The following SCG3 variants were observed in gnomAD, a reference collection of about 807,000 sequenced individuals.
The protein encoded by SCG3 is secretogranin III, also known as secretogranin-3.
In SCG3, 38 loss-of-function variants were observed where a neutral mutation model predicts 56.2. The observed-to-expected ratio is 0.68, with a 90% CI of 0.52 to 0.89. The LOEUF (loss-of-function observed/expected upper bound fraction) is 0.89. Ranked by LOEUF, SCG3 falls within the 40% of genes least tolerant of loss-of-function variation. The pLI is 0.00. For synonymous variants in SCG3, 176 were observed against 184.2 expected, an observed-to-expected ratio of 0.96 and a Z score of 0.36; for missense variants, 524 against 540.7, an observed-to-expected ratio of 0.97 and a Z score of 0.31.
intron 11 of SCG3, among the ~76,000 whole-genome samples, chr15:51,714,354 G>T (rs967209173): frequency 1.3e-5 from 2 of 152,146 alleles, no homozygotes; most frequent in African/African-American, 4.8e-5. Flanking sequence ...GACCCCAGAA[G>T]GCAGCAGAGA....
In SCG3 at chr15:51,699,350, CA is replaced by C; in HGVS notation, c.1022del (p.Asn341ThrfsTer3). ...TGGATGAAATGATTGCTCTTCAGACCAAAAACAAGCTAGAAAAAAATGCTAC... is the reference window on the plus strand; with the variant it reads ...TGGATGAAATGATTGCTCTTCAGACCAAAACAAGCTAGAAAAAAATGCTAC... ...NLDEMIALQT[K>X]NKLEKNATDN... On this transcript the variant is annotated frameshift_variant, in exon 9 of 12. Transcript: ENST00000220478. LOFTEE classifies it high-confidence loss of function. 4 of 1,607,040 alleles carry C rather than the reference CA, an allele frequency of 2.5e-6. No homozygotes were observed. Among genetic ancestry groups the C allele is most frequent in the Admixed American group, 1.7e-5 (1 of 58,516 alleles).
intron 10 of SCG3, among the ~76,000 whole-genome samples, chr15:51,704,245 A>AT (rs1491469549): frequency 1.3e-4 from 2 of 15,530 alleles, no homozygotes; most frequent in Non-Finnish European, 2.4e-4. Flanking sequence ...ACATACATAC[A>AT]TATATATATA....
rs2055299956 is a variant in SCG3, at chr15:51,695,853, GTTA to G, written c.869-19_869-17del. ...AGGAAGCTATCCCCCACAGTTTTAA[GTTA>G]TTTTGTTCTTTCATATAGAAAAAGA... On this transcript the variant is annotated intron_variant, in intron 7 of 11. Coordinates refer to ENST00000220478, the MANE Select transcript of SCG3 (RefSeq NM_013243.4). 4 of 1,302,786 alleles carry G rather than the reference GTTA, an allele frequency of 3.1e-6. No homozygotes were observed. The African/African-American group carries it at 5.9e-5, about 19-fold the overall frequency. The allele number at this position is 1,302,786 out of a possible 1,614,324, so 80.7% of individuals were successfully genotyped here.
At chr15:51,718,199 T>TAGACAGACAGACAGAC (rs3078130) in intron 11 of SCG3, among the ~76,000 whole-genome samples, 15 of 148,886 alleles carry the variant, frequency 1.0e-4, no homozygotes, top group African/African-American at 3.7e-4. Flanking sequence ...GATAGATAGA[T>TAGACAGACAGACAGAC]AGACAGACAG....
chr15:51,682,671 C>A, intron 2 of SCG3, 102 bp downstream of exon 2: 1 of 723,224 alleles, frequency 1.4e-6, no homozygotes, highest in Non-Finnish European at 2.2e-6. Flanking sequence ...AATTTACAAA[C>A]ATCAGGAACT....
chr15:51,681,717 G>A lies in SCG3; in HGVS notation c.-39G>A, dbSNP rs761318559. The A allele has an allele frequency of 1.3e-6, 2 of 1,521,958 alleles. No individual in the cohort carries two copies. Among genetic ancestry groups the A allele is most frequent in the South Asian group, 1.1e-5 (1 of 88,902 alleles). 94.3% of individuals were successfully genotyped at this position (1,521,958 alleles called of 1,614,324 possible). The stretch of plus-strand genomic sequence containing the variant: ...CATAACAAAAGCTACAGCTCCAGGA[G>A]CCCAGCGCCGGGCTGTGACCCAAGC... On this transcript the variant is annotated 5_prime_UTR_variant, in exon 1 of 12. Transcript: ENST00000220478.
At chr15:51,685,003 T>C (rs2055219219) in intron 4 of SCG3, among the ~76,000 whole-genome samples, 2 of 152,218 alleles carry the variant, frequency 1.3e-5, no homozygotes, top group African/African-American at 2.4e-5. Flanking sequence ...CCTGTCCTTA[T>C]TCTGTTCCAT....
In SCG3 at chr15:51,683,110, A is replaced by G; in HGVS notation, c.167A>G (p.Lys56Arg). The G allele has an allele frequency of 6.2e-7, 1 of 1,610,016 alleles. No homozygotes were observed. The highest frequency in any genetic ancestry group is 8.5e-7 in the Non-Finnish European group (1 of 1,178,368). Residue 56 changes from lysine to arginine, a missense_variant, in exon 3 of 12, where the codon AAA becomes AGA. By Grantham distance (26) the Lys-to-Arg change is conservative. Transcript: ENST00000220478. ...GAAGCAGAAGAAGACAAGATTAAAAAAACATATCCTCCAGGTAAAAAGAAA... is the reference window on the plus strand; with the variant it reads ...GAAGCAGAAGAAGACAAGATTAAAAGAACATATCCTCCAGGTAAAAAGAAA... ...IAEAEEDKIK[K>R]TYPPENKPGQ...
intron 6 of SCG3, 31 bp from the exon 7 acceptor site, chr15:51,692,128 T>C (rs529476706): frequency 1.3e-6 from 2 of 1,569,474 alleles, no homozygotes; most frequent in Non-Finnish European, 1.7e-6. Context: ...TAACAAAATG[T>C]TCATTTTTTA....
chr15:51,715,920 C>T (rs929049106), intron 11 of SCG3, among the ~76,000 whole-genome samples: 2 of 151,816 alleles, frequency 1.3e-5, no homozygotes, highest in East Asian at 1.9e-4. Context: ...TGCAGTGGCA[C>T]GGTCTCCGCT....
In SCG3 at chr15:51,681,706, C is replaced by T; in HGVS notation, c.-50C>T. 8.5e-7 allele frequency: 1 copy of T among 1,180,186 alleles called. No homozygotes were observed. The highest frequency in any genetic ancestry group is 1.2e-6 in the Non-Finnish European group (1 of 844,314). The allele number at this position is 1,180,186 out of a possible 1,614,324, so 73.1% of individuals were successfully genotyped here. On this transcript the variant is annotated 5_prime_UTR_variant, in exon 1 of 12. Transcript: ENST00000220478. ...TCCTTTTCATTCATAACAAAAGCTA[C>T]AGCTCCAGGAGCCCAGCGCCGGGCT...
intron 9 of SCG3, 114 bp downstream of exon 9, chr15:51,699,516 A>G (rs2055326375): frequency 1.3e-6 from 1 of 777,034 alleles, no homozygotes; most frequent in Non-Finnish European, 2.1e-6. Context: ...AAGTGTTAAA[A>G]TCTGAAACGC....
Position 51,683,113 on chromosome 15 carries a change from CAT to C in SCG3, c.173_174del (p.Tyr58SerfsTer15). Reference sequence around the variant, plus strand: ...GCAGAAGAAGACAAGATTAAAAAAACATATCCTCCAGGTAAAAAGAAATCATA... The same window carrying C: ...GCAGAAGAAGACAAGATTAAAAAAACATCCTCCAGGTAAAAAGAAATCATA... On this transcript the variant is annotated frameshift_variant, in exon 3 of 12. Transcript: ENST00000220478. LOFTEE classifies it high-confidence loss of function. The C allele has an allele frequency of 6.2e-7, 1 of 1,609,344 alleles. No homozygotes were observed. The highest frequency in any genetic ancestry group is 8.5e-7 in the Non-Finnish European group (1 of 1,177,924).
At chr15:51,701,388 T>G in intron 10 of SCG3, 144 bp downstream of exon 10, 1 of 779,684 alleles carries the variant, frequency 1.3e-6, no homozygotes, top group South Asian at 2.4e-5. Context: ...GCATGTGGTA[T>G]CTTTATTTGA....
chr15:51,706,029 GA>G (rs753818758), intron 10 of SCG3, among the ~76,000 whole-genome samples: 1 of 150,888 alleles, frequency 6.6e-6, no homozygotes, highest in Non-Finnish European at 1.5e-5. Flanking sequence ...CAATTTCTAG[GA>G]AAAAAAAATG....
intron 4 of SCG3, among the ~76,000 whole-genome samples, chr15:51,683,911 T>C (rs192291796): frequency 2.0e-5 from 3 of 152,302 alleles, no homozygotes; most frequent in African/African-American, 7.2e-5. Flanking sequence ...TAACATCCCA[T>C]ATCACTAGGC....
At chr15:51,703,919 TA>T (rs1252404655) in intron 10 of SCG3, among the ~76,000 whole-genome samples, 4 of 152,166 alleles carry the variant, frequency 2.6e-5, no homozygotes, top group African/African-American at 9.7e-5. Flanking sequence ...TCCTACATTT[TA>T]CATTTCCTAC....
intron 10 of SCG3, among the ~76,000 whole-genome samples, chr15:51,709,710 T>TA (rs1217401612): frequency 2.8e-4 from 9 of 32,266 alleles, no homozygotes; most frequent in Non-Finnish European, 4.8e-4. Context: ...TATTTTTTTT[T>TA]TTTTTTTTTT....
rs372040435 is a variant in SCG3 at position 51,711,670 on chromosome 15, A to G, written c.1208-1663A>G. 1.4e-4 allele frequency among the ~76,000 whole-genome samples: 22 copies of G among 152,356 alleles called. No individual in the cohort carries two copies. In the South Asian group the frequency reaches 4.3e-3, roughly 30 times the overall value. On this transcript the variant is annotated intron_variant, in intron 10 of 11. Coordinates refer to ENST00000220478, the MANE Select transcript of SCG3 (RefSeq NM_013243.4). Reference sequence around the variant, plus strand: ...TATTTATGTATCTGTTTATTAGTAGAGATAGGGTCTCACAATGTTGTGCAG... The same window carrying G: ...TATTTATGTATCTGTTTATTAGTAGGGATAGGGTCTCACAATGTTGTGCAG...
Sources: gnomAD v4.1 joint callset for allele counts (sites outside exome capture counted in the v4.1 genomes callset) on GRCh38, gnomAD v4.1.1 for gene constraint, MANE v1.5 for transcripts, NCBI Gene and HGNC (gene_info 2026-07-23, HGNC 2026-07-21) for gene names.